PCNX2: variants seen among roughly 807,000 people sequenced by gnomAD.
PCNX2 encodes pecanex 2.
Under a neutral mutation model 223.8 loss-of-function variants are expected in PCNX2, and 168 were observed. That is an observed-to-expected ratio of 0.75 (90% CI 0.66 to 0.85). PCNX2 has a LOEUF of 0.85. Ranked by LOEUF, PCNX2 falls within the 40% of genes least tolerant of loss-of-function variation. The probability of loss-of-function intolerance (pLI) is 0.00; values close to 1 mark genes in which losing one functional copy is unlikely to be tolerated. For missense variants in PCNX2, 2,507 were observed against 2,675.5 expected, an observed-to-expected ratio of 0.94 and a Z score of 1.39; for synonymous variants, 1,006 against 1,052.6, an observed-to-expected ratio of 0.96 and a Z score of 0.86.
chr1:233,315,532 TA>T, the PCNX2 span, among the ~76,000 whole-genome samples: 1 of 152,310 alleles, frequency 6.6e-6, no homozygotes, highest in African/African-American at 2.4e-5. Context: ...TCAAGGTCTC[TA>T]AAATGGTCAG....
At position 233,025,294 on chromosome 1, in the gene PCNX2, C is replaced by T. The variant is rs887724496; in HGVS notation, c.4457G>A (p.Cys1486Tyr). Residue 1486 changes from cysteine to tyrosine, a missense_variant, in exon 26 of 34, where the codon TGC (cysteine) becomes TAC (tyrosine). Physicochemically the swap from Cys to Tyr is radical, Grantham distance 194. This residue lies in a region of PCNX2 where 1,372 missense variants were observed against 1,509.4 expected (regional missense o/e 0.91). Coordinates refer to ENST00000258229, the MANE Select transcript of PCNX2 (RefSeq NM_014801.4). ...CCAGCGGAGGTGAAAGGCAGCGTTG[C>T]AGGACAGCAGGTGAGGCAAGTGGCC... ...KPGHLPHLLS[C>Y]NAAFHLRWLT... is the part of the protein sequence containing the mutation. 5 of 1,613,918 alleles carry T rather than the reference C, an allele frequency of 3.1e-6. No homozygotes were observed. Among genetic ancestry groups the T allele is most frequent in the East Asian group, 4.5e-5 (2 of 44,900 alleles).
intron 33 of PCNX2, chr1:232,985,329 A>G (rs1669434975): frequency 6.6e-6 from 1 of 152,318 alleles, no homozygotes; most frequent in South Asian, 2.1e-4. Flanking sequence ...AACCTCACCC[A>G]GAACCAGAGG....
At chr1:233,285,879 T>A (rs1024916917) in intron 1 of PCNX2, among the ~76,000 whole-genome samples, 3 of 152,248 alleles carry the variant, frequency 2.0e-5, no homozygotes, top group African/African-American at 7.2e-5. Context: ...TGGAATACCA[T>A]GCAGACATGA....
chr1:233,301,800 T>TTA, the PCNX2 span, among the ~76,000 whole-genome samples: 2 of 150,654 alleles, frequency 1.3e-5, 1 homozygote, highest in Non-Finnish European at 3.0e-5. Context: ...ACAAGCTTTT[T>TTA]TTTTTTTTTT....
the PCNX2 span, among the ~76,000 whole-genome samples, chr1:233,325,857 A>T: frequency 6.6e-6 from 1 of 152,192 alleles, no homozygotes; most frequent in Non-Finnish European, 1.5e-5. Flanking sequence ...CCAATTTTGA[A>T]AGTAGTTCTA....
intron 26 of PCNX2, 128 bp downstream of exon 26, chr1:233,025,018 T>C (rs1446684422): frequency 7.8e-7 from 1 of 1,280,014 alleles, no homozygotes; most frequent in Non-Finnish European, 1.1e-6. Context: ...GTTCCCCAGA[T>C]GGCTGGGTTT....
At chr1:233,257,944 A>G (rs1659822650) in intron 5 of PCNX2, 84 bp downstream of exon 5, 17 of 1,478,902 alleles carry the variant, frequency 1.1e-5, no homozygotes, top group Non-Finnish European at 1.4e-5. Flanking sequence ...CACTATTTGC[A>G]AAATCAAATT....
intron 13 of PCNX2, among the ~76,000 whole-genome samples, chr1:233,200,981 G>C (rs1461083027): frequency 1.5e-5 from 2 of 136,958 alleles, no homozygotes; most frequent in African/African-American, 5.6e-5. Context: ...AGCCGAGATT[G>C]CACCACTGCA....
intron 10 of PCNX2, among the ~76,000 whole-genome samples, chr1:233,218,431 T>A (rs1211228892): frequency 1.3e-5 from 2 of 151,828 alleles, no homozygotes; most frequent in Non-Finnish European, 2.9e-5. Context: ...TTATTTTTTT[T>A]AGTAGAGATG....
At chr1:233,260,219 C>A (rs1659976435) in intron 4 of PCNX2, among the ~76,000 whole-genome samples, 1 of 152,062 alleles carries the variant, frequency 6.6e-6, no homozygotes, top group African/African-American at 2.4e-5. Context: ...TTAAATGCTA[C>A]CTGTACATTT....
At chr1:233,132,068 C>G (rs1676536825) in intron 21 of PCNX2, among the ~76,000 whole-genome samples, 1 of 152,002 alleles carries the variant, frequency 6.6e-6, no homozygotes, top group African/African-American at 2.4e-5. Flanking sequence ...TCCTGACTAG[C>G]TGGGATTACA....
intron 25 of PCNX2, among the ~76,000 whole-genome samples, chr1:233,050,413 T>C (rs1312525644): frequency 2.0e-5 from 3 of 150,340 alleles, no homozygotes; most frequent in Non-Finnish European, 4.4e-5. Context: ...GAGGCATCAA[T>C]TACCCAACTT....
At chr1:233,183,747 CA>C (rs1679941405) in intron 15 of PCNX2, among the ~76,000 whole-genome samples, 1 of 152,152 alleles carries the variant, frequency 6.6e-6, no homozygotes, top group Admixed American at 6.5e-5. Flanking sequence ...TAACTGCAGT[CA>C]AGTATGACAG....
At chr1:233,254,286 T>G (rs186100413) in intron 5 of PCNX2, among the ~76,000 whole-genome samples, 1 of 152,140 alleles carries the variant, frequency 6.6e-6, no homozygotes, top group African/African-American at 2.4e-5. Flanking sequence ...AAGATAGAAG[T>G]TTTCACAGTT....
Position 233,014,786 on chromosome 1 carries a change from G to GC in PCNX2, c.4840-10dup, listed in dbSNP as rs1229267163. The GC allele has an allele frequency of 1.2e-6, 2 of 1,604,724 alleles. No homozygotes were observed. The highest frequency in any genetic ancestry group is 4.5e-5 in the East Asian group (2 of 44,838). ...TCCAGGGTCGTTGAAGGCTGAAAGA[G>GC]CAAGAAGTTAACTCAGCTTTCACAC... is the stretch of plus-strand genomic sequence containing the variant. On this transcript the variant is annotated splice_polypyrimidine_tract_variant and intron_variant, in intron 27 of 33. Transcript: ENST00000258229.
chr1:233,072,692 C>G (rs1361210950), intron 23 of PCNX2, among the ~76,000 whole-genome samples: 1 of 152,122 alleles, frequency 6.6e-6, no homozygotes, highest in African/African-American at 2.4e-5. Context: ...TATAATCTAT[C>G]ATATTAATTG....
chr1:233,210,575 G>A (rs1355986912), intron 12 of PCNX2: 1 of 984,964 alleles, frequency 1.0e-6, no homozygotes, highest in Non-Finnish European at 1.2e-6. Flanking sequence ...CACTGTGCCT[G>A]GCCACTACTT....
chr1:233,124,196 G>A (rs538367908), intron 21 of PCNX2, among the ~76,000 whole-genome samples: 2 of 152,244 alleles, frequency 1.3e-5, no homozygotes, highest in East Asian at 1.9e-4. Context: ...TCCATAGAAA[G>A]CTGTAGACAA....
rs139661474 is a variant in PCNX2, at chr1:233,203,207, G to A, written c.2864-2943C>T. Among the ~76,000 whole-genome samples the A allele has an allele frequency of 3.3e-5, 5 of 152,242 alleles. 1 individual carries two copies. The highest frequency in any genetic ancestry group is 1.2e-4 in the African/African-American group (5 of 41,550). On this transcript the variant is annotated intron_variant, in intron 13 of 33. Transcript: ENST00000258229. ...GCCATGTGGCTACACACTCCTCTGG[G>A]CATGCTCTAGTTTTGTTACTGCTCC... is the stretch of plus-strand genomic sequence containing the variant.
Sources: gnomAD v4.1 joint callset for allele counts (sites outside exome capture counted in the v4.1 genomes callset) on GRCh38, gnomAD v4.1.1 for gene constraint, gnomAD v4.1.1 regional missense constraint, MANE v1.5 for transcripts, NCBI Gene and HGNC (gene_info 2026-07-23, HGNC 2026-07-21) for gene names.